The following CHRDL2 variants were observed in gnomAD, a reference collection of about 807,000 sequenced individuals.
CHRDL2 encodes the protein chordin like 2.
Under a neutral mutation model 54.3 loss-of-function variants are expected in CHRDL2, and 41 were observed. The observed-to-expected ratio is 0.76, with a 90% CI of 0.59 to 0.98. The LOEUF is 0.98. Ranked by LOEUF, CHRDL2 falls within the 50% of genes least tolerant of loss-of-function variation. CHRDL2 has a pLI of 0.00. For missense variants in CHRDL2, 518 were observed against 562.4 expected (o/e 0.92, Z 0.80); for synonymous variants, 220 against 224.3 (o/e 0.98, Z 0.17).
At chr11:74,700,015 C>T (rs1307189199) in intron 9 of CHRDL2, among the ~76,000 whole-genome samples, 1 of 152,260 alleles carries the variant, frequency 6.6e-6, no homozygotes, top group African/African-American at 2.4e-5. Context: ...CCCACTGTGC[C>T]ATCCTGGCAC....
chr11:74,701,797 C>T (rs556443442), intron 9 of CHRDL2, among the ~76,000 whole-genome samples: 3 of 152,122 alleles, frequency 2.0e-5, no homozygotes, highest in East Asian at 1.9e-4. Flanking sequence ...CCCTCTTCCA[C>T]CCCCACCCCG....
rs545531934 is a variant in CHRDL2 at position 74,722,462 on chromosome 11, A to G, written c.83-3630T>C. On this transcript the variant is annotated intron_variant, in intron 1 of 10. Coordinates refer to ENST00000376332, the MANE Select transcript of CHRDL2 (RefSeq NM_001278473.3). ...TTAAATGGAACTAATAACAATCTTT[A>G]CCTCTCAGAGTTACTGTAGAATTAG... is the stretch of plus-strand genomic sequence containing the variant. Among the ~76,000 whole-genome samples, 3 of 152,140 alleles carry G rather than the reference A, an allele frequency of 2.0e-5. No individual in the cohort carries two copies. In the East Asian group the frequency reaches 5.8e-4, roughly 29 times the overall value.
chr11:74,709,091 G>A, intron 4 of CHRDL2, among the ~76,000 whole-genome samples: 1 of 152,196 alleles, frequency 6.6e-6, no homozygotes, highest in East Asian at 1.9e-4. Flanking sequence ...CTTTCCAGAG[G>A]GTCTGAGAAG....
Position 74,708,388 on chromosome 11 carries a change from TG to T in CHRDL2, c.439del (p.Gln147ArgfsTer48). 1 of 1,577,438 alleles carries T rather than the reference TG, an allele frequency of 6.3e-7. No homozygotes were observed. Among genetic ancestry groups the T allele is most frequent in the Non-Finnish European group, 8.6e-7 (1 of 1,164,324 alleles). ...QCVLCSCTEG[Q>X]IYCGLTTCPE... ...GCAGGTTGTGAGGCCGCAGTAGATC[TG>T]GCCCTCCTGACAGATAGAGCAAACC... On this transcript the variant is annotated frameshift_variant, in exon 5 of 11. Transcript: ENST00000376332. LOFTEE classifies it high-confidence loss of function.
At chr11:74,718,590 C>T in intron 2 of CHRDL2, 130 bp downstream of exon 2, 1 of 645,390 alleles carries the variant, frequency 1.5e-6, no homozygotes, top group South Asian at 1.9e-5. Flanking sequence ...AGTGAAGTGG[C>T]TTGTCCCAAG....
intron 1 of CHRDL2, among the ~76,000 whole-genome samples, chr11:74,728,524 GTTT>G (rs772094019): frequency 3.8e-5 from 4 of 106,032 alleles, no homozygotes; most frequent in South Asian, 5.0e-4. Flanking sequence ...GGTCTGTTCT[GTTT>G]TTTGTTGTTG....
intron 2 of CHRDL2, among the ~76,000 whole-genome samples, chr11:74,714,653 G>A (rs1384935819): frequency 6.6e-6 from 1 of 152,200 alleles, no homozygotes; most frequent in Non-Finnish European, 1.5e-5. Context: ...TCTAATAGGG[G>A]CCTTCTAGAG....
At chr11:74,703,521 G>C (rs2033904763) in intron 7 of CHRDL2, 22 bp from the exon 8 acceptor site, 2 of 1,546,268 alleles carry the variant, frequency 1.3e-6, no homozygotes, top group African/African-American at 2.7e-5. Context: ...GGGTGAGAAG[G>C]AAGGAGGATC....
intron 1 of CHRDL2, among the ~76,000 whole-genome samples, chr11:74,729,849 A>AG (rs1565161299): frequency 6.6e-6 from 1 of 152,032 alleles, no homozygotes; most frequent in South Asian, 2.1e-4. Context: ...GGGCATGGGG[A>AG]GGGGGGACCA....
At chr11:74,716,584 A>G (rs1407781962) in intron 2 of CHRDL2, among the ~76,000 whole-genome samples, 1 of 151,222 alleles carries the variant, frequency 6.6e-6, no homozygotes, top group African/African-American at 2.4e-5. Flanking sequence ...GAAATTGGAG[A>G]ATAAGACAGA....
At chr11:74,727,748 G>C (rs2034593918) in intron 1 of CHRDL2, among the ~76,000 whole-genome samples, 1 of 152,008 alleles carries the variant, frequency 6.6e-6, no homozygotes, top group Non-Finnish European at 1.5e-5. Context: ...AGCAGGATTG[G>C]ATGGAGGGAG....
intron 1 of CHRDL2, 84 bp downstream of exon 1, chr11:74,730,723 C>T (rs1332649536): frequency 3.0e-6 from 4 of 1,313,538 alleles, no homozygotes; most frequent in Non-Finnish European, 4.3e-6. Flanking sequence ...GTCAGAAGAG[C>T]TTGGGGTCCA....
chr11:74,696,549 A>G lies in CHRDL2; in HGVS notation c.1250T>C (p.Leu417Pro), dbSNP rs779673508. ...TTTGTCTGGACTGGCCGTGACCTTCAGCTCCAGGGTCTGGGCTAGGAAGAC... is the reference window on the plus strand; with the variant it reads ...TTTGTCTGGACTGGCCGTGACCTTCGGCTCCAGGGTCTGGGCTAGGAAGAC... ...WNVFLAQTLE[L>P]KVTASPDKVT... Residue 417 changes from leucine (L) to proline (P), a missense_variant, in exon 11 of 11, where the codon CTG (leucine) becomes CCG (proline). Coordinates refer to ENST00000376332, the MANE Select transcript of CHRDL2 (RefSeq NM_001278473.3). The G allele has an allele frequency of 6.2e-7, 1 of 1,614,128 alleles. No homozygotes were observed. The highest frequency in any genetic ancestry group is 2.2e-5 in the East Asian group (1 of 44,886).
Position 74,713,485 on chromosome 11 carries a change from G to T in CHRDL2, c.196-6C>A, listed in dbSNP as rs2135260915. ...TAACAACTCACATGGGCGCCCTGAA[G>T]GGGACACAAGGGTCAGCCCTGGTTC... On this transcript the variant is annotated splice_polypyrimidine_tract_variant and splice_region_variant and intron_variant, in intron 2 of 10. Coordinates refer to ENST00000376332, the MANE Select transcript of CHRDL2 (RefSeq NM_001278473.3). 1 of 1,612,228 alleles carries T rather than the reference G, an allele frequency of 6.2e-7. No individual in the cohort carries two copies. Among genetic ancestry groups the T allele is most frequent in the East Asian group, 2.2e-5 (1 of 44,862 alleles).
intron 2 of CHRDL2, among the ~76,000 whole-genome samples, chr11:74,716,651 A>G (rs2034364305): frequency 1.3e-5 from 2 of 151,588 alleles, no homozygotes; most frequent in Non-Finnish European, 2.9e-5. Flanking sequence ...AAAAGCTATT[A>G]GAGGTTTTTT....
Position 74,704,476 on chromosome 11 carries a change from C to T in CHRDL2, c.751+10G>A. On this transcript the variant is annotated intron_variant, in intron 7 of 10. Coordinates refer to ENST00000376332, the MANE Select transcript of CHRDL2 (RefSeq NM_001278473.3). Reference sequence around the variant, plus strand: ...CTGCCTCACAGATTGGAGGAGGGTCCAGTCCCCACCTTTCTTATGTTTCTC... The same window carrying T: ...CTGCCTCACAGATTGGAGGAGGGTCTAGTCCCCACCTTTCTTATGTTTCTC... 1.3e-6 allele frequency: 2 copies of T among 1,585,474 alleles called. No individual in the cohort carries two copies. Among genetic ancestry groups the T allele is most frequent in the East Asian group, 4.6e-5 (2 of 43,194 alleles).
intron 8 of CHRDL2, 66 bp downstream of exon 8, chr11:74,703,239 C>T: frequency 6.6e-7 from 1 of 1,512,082 alleles, no homozygotes; most frequent in Non-Finnish European, 8.9e-7. Flanking sequence ...TGTCTGTGGC[C>T]CTGGGGAGAG....
chr11:74,703,114 C>T (rs913947374), intron 8 of CHRDL2, 147 bp from the exon 9 acceptor site: 8 of 1,030,306 alleles, frequency 7.8e-6, no homozygotes, highest in East Asian at 7.7e-5. Flanking sequence ...ATCCTGACAC[C>T]GCATGGTTCT....
At chr11:74,724,886 GA>G (rs1312187624) in intron 1 of CHRDL2, among the ~76,000 whole-genome samples, 1 of 152,214 alleles carries the variant, frequency 6.6e-6, no homozygotes, top group Non-Finnish European at 1.5e-5. Flanking sequence ...AGCCTACATA[GA>G]GTTCGTGCCT....
Sources: allele counts gnomAD v4.1 joint callset (sites outside exome capture counted in the v4.1 genomes callset), GRCh38; gene constraint gnomAD v4.1.1; transcripts MANE v1.5; gene names NCBI Gene and HGNC (gene_info 2026-07-23, HGNC 2026-07-21).